Variants in PNKD observed in about 807,000 individuals in gnomAD.
The protein encoded by PNKD is PNKD metallo-beta-lactamase domain containing, also known as probable thioesterase PNKD.
In PNKD, 36 loss-of-function variants were observed where a neutral mutation model predicts 45.3. The observed-to-expected ratio is 0.80, with a 90% CI of 0.61 to 1.05. The LOEUF (loss-of-function observed/expected upper bound fraction) is 1.05. Among genes scored for constraint, PNKD ranks in the 50% least tolerant of loss-of-function variants. The probability of loss-of-function intolerance (pLI) is 0.00; values close to 1 mark genes in which losing one functional copy is unlikely to be tolerated. For missense variants in PNKD, 511 were observed against 506.6 expected (o/e 1.01, Z -0.08); for synonymous variants, 197 against 210.1 (o/e 0.94, Z 0.54).
At chr2:218,281,939 C>A (rs1559505579) in intron 2 of PNKD, 1 of 1,592,342 alleles carries the variant, frequency 6.3e-7, no homozygotes, top group Non-Finnish European at 8.5e-7. Flanking sequence ...CCAGGACTCA[C>A]CGTAGTTCAT....
intron 2 of PNKD, among the ~76,000 whole-genome samples, chr2:218,322,912 A>G (rs1313995408): frequency 6.6e-6 from 1 of 152,238 alleles, no homozygotes; most frequent in Admixed American, 6.5e-5. Context: ...CAGTTGAGAA[A>G]GTGTAGCAGT....
chr2:218,278,373 C>A, intron 2 of PNKD: 1 of 841,192 alleles, frequency 1.2e-6, no homozygotes, highest in Admixed American at 2.0e-5. Flanking sequence ...TACACCTGAA[C>A]AGTAGCTGTC....
intron 2 of PNKD, chr2:218,276,070 G>C (rs1691175349): frequency 6.2e-7 from 1 of 1,613,066 alleles, no homozygotes; most frequent in Non-Finnish European, 8.5e-7. Flanking sequence ...AGCATGTGGA[G>C]CCAGTAAACC....
At chr2:218,330,242 G>A (rs745526845) in intron 2 of PNKD, among the ~76,000 whole-genome samples, 3 of 152,196 alleles carry the variant, frequency 2.0e-5, no homozygotes, top group Admixed American at 1.3e-4. Flanking sequence ...CCTGAGGCCG[G>A]CCCTGGGCCT....
intron 2 of PNKD, chr2:218,327,962 G>GAAAAAAAAAAAAAAAAAAA (rs72151766): frequency 1.6e-5 from 2 of 122,482 alleles, no homozygotes; most frequent in Non-Finnish European, 1.6e-5. Flanking sequence ...AACTCCATCT[G>GAAAAAAAAAAAAAAAAAAA]AAAAAAAAAA....
chr2:218,335,219 C>G (rs1017769810), intron 2 of PNKD, among the ~76,000 whole-genome samples: 2 of 152,016 alleles, frequency 1.3e-5, no homozygotes, highest in Non-Finnish European at 2.9e-5. Flanking sequence ...CGGTGGCTCA[C>G]GCCAGTAATC....
At chr2:218,282,464 C>A (rs145172970) in intron 2 of PNKD, among the ~76,000 whole-genome samples, 15 of 152,356 alleles carry the variant, frequency 9.8e-5, no homozygotes, top group Non-Finnish European at 1.9e-4. Flanking sequence ...AGAGAGGGAA[C>A]CAGGGAGCCT....
chr2:218,283,538 T>C (rs1692235528), intron 2 of PNKD, among the ~76,000 whole-genome samples: 1 of 152,090 alleles, frequency 6.6e-6, no homozygotes, highest in Non-Finnish European at 1.5e-5. Flanking sequence ...CCACCTCTTC[T>C]AGAGCATCTA....
At chr2:218,324,038 T>C (rs1355125634) in intron 2 of PNKD, among the ~76,000 whole-genome samples, 1 of 152,132 alleles carries the variant, frequency 6.6e-6, no homozygotes, top group East Asian at 1.9e-4. Flanking sequence ...GGCTGTGAAA[T>C]CTGACCCAAC....
intron 2 of PNKD, among the ~76,000 whole-genome samples, chr2:218,318,950 C>CTTTTTTT (rs769001811): frequency 1.7e-4 from 17 of 99,898 alleles, no homozygotes; most frequent in Middle Eastern, 7.1e-3. Context: ...TTTTTTTTTT[C>CTTTTTTT]TTTTTTTTTT....
chr2:218,284,768 C>T lies in PNKD; in HGVS notation c.236+13219C>T, dbSNP rs145294833. On this transcript the variant is annotated intron_variant, in intron 2 of 9. Transcript: ENST00000273077. ...CTCACACTAGTAATAGTACCCTCCA[C>T]GGGGTTGCTATAAAAATTAAGTGAG... 4.4e-3 allele frequency among the ~76,000 whole-genome samples: 665 copies of T among 152,312 alleles called. 25 individuals are homozygous for T. The highest frequency in any genetic ancestry group is 0.04 in the Admixed American group (606 of 15,302).
chr2:218,344,854 G>A lies in PNKD; in HGVS notation c.1031G>A (p.Arg344Lys), dbSNP rs1694785336. Residue 344 changes from arginine (R) to lysine (K), a missense_variant, in exon 10 of 10, where the codon AGA (arginine) becomes AAA (lysine). Coordinates refer to ENST00000273077, the MANE Select transcript of PNKD (RefSeq NM_015488.5). ...GEERSYNPFL[R>K]THCLALQEAL... is the part of the protein sequence containing the mutation. ...GAGCGCTCCTACAACCCGTTCCTGA[G>A]AACCCACTGCCTGGCGCTACAGGAG... The A allele has an allele frequency of 6.2e-7, 1 of 1,613,880 alleles. No individual in the cohort carries two copies. Among genetic ancestry groups the A allele is most frequent in the Non-Finnish European group, 8.5e-7 (1 of 1,179,884 alleles).
Position 218,343,560 on chromosome 2 carries a change from T to A in PNKD, c.842T>A (p.Leu281Gln), listed in dbSNP as rs1451354544. The A allele has an allele frequency of 6.2e-7, 1 of 1,613,500 alleles. No homozygotes were observed. Reference sequence around the variant, plus strand: ...AGCTCACTGGACACTGTGCTGGGGCTAGGGGATGACACCCTTCTGTGGCCT... The same window carrying A: ...AGCTCACTGGACACTGTGCTGGGGCAAGGGGATGACACCCTTCTGTGGCCT... ...MLSSLDTVLGLGDDTLLWPGH... is the reference protein window; with the variant it reads ...MLSSLDTVLGQGDDTLLWPGH... Residue 281 changes from leucine (L) to glutamine (Q), a missense_variant, in exon 8 of 10, where the codon CTA (leucine) becomes CAA (glutamine). Physicochemically the swap from Leu to Gln is moderately radical, Grantham distance 113. Coordinates refer to ENST00000273077, the MANE Select transcript of PNKD (RefSeq NM_015488.5).
At chr2:218,314,950 G>A (rs976586026) in intron 2 of PNKD, among the ~76,000 whole-genome samples, 8 of 152,026 alleles carry the variant, frequency 5.3e-5, no homozygotes, top group South Asian at 2.1e-4. Flanking sequence ...TCAGTCTCCC[G>A]AAGTGCTGGG....
intron 2 of PNKD, among the ~76,000 whole-genome samples, chr2:218,319,524 C>T (rs1693926592): frequency 6.6e-6 from 1 of 151,616 alleles, no homozygotes; most frequent in African/African-American, 2.4e-5. Flanking sequence ...TACAGGCACA[C>T]ACCACCATAC....
chr2:218,313,543 A>C (rs1316042815), intron 2 of PNKD, among the ~76,000 whole-genome samples: 1 of 152,252 alleles, frequency 6.6e-6, no homozygotes, highest in Non-Finnish European at 1.5e-5. Context: ...TACCATTTAA[A>C]AGGAACACTG....
intron 2 of PNKD, chr2:218,276,083 GAGA>G: frequency 2.5e-6 from 4 of 1,612,750 alleles, no homozygotes; most frequent in Non-Finnish European, 3.4e-6. Flanking sequence ...AGTAAACCTG[GAGA>G]AGAAGGGGAC....
At chr2:218,322,726 G>A (rs974080751) in intron 2 of PNKD, among the ~76,000 whole-genome samples, 2 of 152,192 alleles carry the variant, frequency 1.3e-5, no homozygotes, top group African/African-American at 2.4e-5. Flanking sequence ...TTGGTTCGTC[G>A]CCTCACTAGA....
At chr2:218,330,547 C>T (rs904019912) in intron 2 of PNKD, among the ~76,000 whole-genome samples, 1 of 152,198 alleles carries the variant, frequency 6.6e-6, no homozygotes. Flanking sequence ...AGCTGTAACC[C>T]CACAGGGAGG....
Sources: allele counts gnomAD v4.1 joint callset (sites outside exome capture counted in the v4.1 genomes callset), GRCh38; gene constraint gnomAD v4.1.1; transcripts MANE v1.5; gene names NCBI Gene and HGNC (gene_info 2026-07-23, HGNC 2026-07-21).